The following TMEM87B variants were observed in gnomAD, a reference collection of about 807,000 sequenced individuals.
TMEM87B encodes transmembrane protein 87B.
TMEM87B carries 83 observed loss-of-function variants against 80.3 expected under a neutral mutation model. The ratio of observed to expected loss-of-function variants is 1.03; its 90% CI spans 0.87 to 1.24. The LOEUF (loss-of-function observed/expected upper bound fraction) is 1.24. TMEM87B is among the 50% of genes most tolerant of loss of function. The pLI, the probability that TMEM87B is intolerant of heterozygous loss-of-function variation, is 0.00. For synonymous variants in TMEM87B, 219 were observed against 230.5 expected, an observed-to-expected ratio of 0.95 and a Z score of 0.45; for missense variants, 625 against 674.4, an observed-to-expected ratio of 0.93 and a Z score of 0.81.
chr2:112,102,306 A>G (rs1395010897), intron 15 of TMEM87B, among the ~76,000 whole-genome samples: 1 of 152,232 alleles, frequency 6.6e-6, no homozygotes, highest in Non-Finnish European at 1.5e-5. Flanking sequence ...AGCAAAATAT[A>G]GAAAGACAAT....
At chr2:112,057,604 G>A (rs1157425488) in intron 1 of TMEM87B, among the ~76,000 whole-genome samples, 3 of 152,006 alleles carry the variant, frequency 2.0e-5, no homozygotes, top group Non-Finnish European at 2.9e-5. Context: ...GTGTACAAGG[G>A]AGCAAATGGT....
At chr2:112,066,822 C>T in intron 3 of TMEM87B, 114 bp from the exon 4 acceptor site, 1 of 905,854 alleles carries the variant, frequency 1.1e-6, no homozygotes, top group Non-Finnish European at 1.6e-6. Context: ...TTGCGTATTT[C>T]CAGGTATTTC....
At chr2:112,096,489 C>T (rs896844173) in intron 11 of TMEM87B, among the ~76,000 whole-genome samples, 3 of 152,212 alleles carry the variant, frequency 2.0e-5, no homozygotes, top group Non-Finnish European at 4.4e-5. Context: ...AATCCTCCCC[C>T]GTTGCAGTCA....
chr2:112,098,810 C>T (rs1223227879), intron 14 of TMEM87B, 112 bp downstream of exon 14: 13 of 976,286 alleles, frequency 1.3e-5, no homozygotes, highest in Non-Finnish European at 2.0e-5. Flanking sequence ...AAGGAGTATA[C>T]AGTCAAGTAG....
chr2:112,113,319 A>G (rs1679972042), intron 18 of TMEM87B, among the ~76,000 whole-genome samples: 1 of 152,168 alleles, frequency 6.6e-6, no homozygotes, highest in Non-Finnish European at 1.5e-5. Context: ...AGTTTTTGGG[A>G]AAAAAATTAG....
chr2:112,107,659 G>T, intron 16 of TMEM87B, 129 bp from the exon 17 acceptor site: 1 of 437,414 alleles, frequency 2.3e-6, no homozygotes, highest in South Asian at 8.9e-5. Flanking sequence ...TGCCAACTTA[G>T]GACATATGTA....
At chr2:112,084,070 A>C (rs180822472) in intron 8 of TMEM87B, among the ~76,000 whole-genome samples, 1 of 152,218 alleles carries the variant, frequency 6.6e-6, no homozygotes, top group African/African-American at 2.4e-5. Context: ...CAAACTCAAC[A>C]TAGGCAATAA....
chr2:112,070,154 T>G (rs1678579154), intron 4 of TMEM87B, among the ~76,000 whole-genome samples: 1 of 152,228 alleles, frequency 6.6e-6, no homozygotes, highest in Non-Finnish European at 1.5e-5. Flanking sequence ...TTTCTTTTGC[T>G]GTGCAGAAAC....
In TMEM87B at chr2:112,055,401, G is replaced by T. The variant is rs1011073716; in HGVS notation, c.-191G>T. On this transcript the variant is annotated 5_prime_UTR_variant, in exon 1 of 19. Transcript: ENST00000283206. ...GGCCCGGCTCAGAGCCCTAAGCCCT[G>T]CCTCCCGGTCCTGGCCGGGTTTCCC... 34 of 610,094 alleles carry T rather than the reference G, an allele frequency of 5.6e-5. No individual in the cohort carries two copies. The highest frequency in any genetic ancestry group is 9.0e-5 in the Non-Finnish European group (34 of 377,828). 37.8% of individuals were successfully genotyped at this position (610,094 alleles called of 1,614,324 possible). A position where few individuals can be genotyped will look rare whatever the true frequency, so the allele number is the denominator to read the frequency against.
Position 112,089,651 on chromosome 2 carries a change from G to C in TMEM87B, c.965G>C (p.Arg322Pro), listed in dbSNP as rs757629241. Residue 322 changes from arginine to proline, a missense_variant, in exon 10 of 19, where the codon CGG (arginine) becomes CCG (proline). Arg to Pro is a moderately radical substitution (Grantham distance 103). Transcript: ENST00000283206. ...VKPRLGTVMH[R>P]VIGLGLLYLI... ...CCTCGTTTAGGAACAGTCATGCACC[G>C]GGTGATCGGACTGGGGCTTCTATAC... 2.5e-6 allele frequency: 4 copies of C among 1,613,978 alleles called. No individual in the cohort carries two copies. In the African/African-American group the frequency reaches 4.0e-5, roughly 16 times the overall value.
intron 18 of TMEM87B, among the ~76,000 whole-genome samples, chr2:112,113,566 GA>G (rs1679978291): frequency 1.3e-5 from 2 of 152,352 alleles, no homozygotes; most frequent in Admixed American, 6.5e-5. Flanking sequence ...ACTGTACTGG[GA>G]TGGGAAGGTT....
In TMEM87B at chr2:112,086,072, G is replaced by T. The variant is rs761447601; in HGVS notation, c.906G>T (p.Val302=). ...AGAGGACGTTGGCTCGCCTTCTCGTGATCATTGTGAGCCTGGGCTATGGCA... is the reference window on the plus strand; with the variant it reads ...AGAGGACGTTGGCTCGCCTTCTCGTTATCATTGTGAGCCTGGGCTATGGCA... The part of the protein sequence containing the change: ...AIKRTLARLL[V]IIVSLGYGIV... Residue 302 remains valine (V), a synonymous_variant, in exon 9 of 19, where the codon GTG becomes GTT. Coordinates refer to ENST00000283206, the MANE Select transcript of TMEM87B (RefSeq NM_032824.3). The T allele has an allele frequency of 6.2e-7, 1 of 1,614,204 alleles. No homozygotes were observed. Among genetic ancestry groups the T allele is most frequent in the Non-Finnish European group, 8.5e-7 (1 of 1,180,032 alleles).
chr2:112,110,780 A>G lies in TMEM87B; in HGVS notation c.1578-2119A>G, dbSNP rs148505440. Among the ~76,000 whole-genome samples, 633 of 151,998 alleles carry G rather than the reference A, an allele frequency of 4.2e-3. 2 individuals carry two copies. The highest frequency in any genetic ancestry group is 7.3e-3 in the Admixed American group (111 of 15,260). ...TTCTTTTTATTTACTACACGATCAC[A>G]TCTCCAAGGAATATTCTTCTTTTTT... On this transcript the variant is annotated intron_variant, in intron 17 of 18. Coordinates refer to ENST00000283206, the MANE Select transcript of TMEM87B (RefSeq NM_032824.3).
intron 16 of TMEM87B, 55 bp downstream of exon 16, chr2:112,106,130 T>C: frequency 1.8e-6 from 2 of 1,126,120 alleles, no homozygotes; most frequent in East Asian, 2.7e-5. Flanking sequence ...TTCACTACTT[T>C]AGAGAGCTAT....
chr2:112,078,527 C>T (rs1678888734), intron 6 of TMEM87B, among the ~76,000 whole-genome samples: 1 of 152,222 alleles, frequency 6.6e-6, no homozygotes, highest in South Asian at 2.1e-4. Flanking sequence ...GCCCTCATGA[C>T]TTAATCACTT....
At chr2:112,106,365 G>A (rs1292283502) in intron 16 of TMEM87B, among the ~76,000 whole-genome samples, 5 of 152,192 alleles carry the variant, frequency 3.3e-5, no homozygotes, top group South Asian at 4.1e-4. Flanking sequence ...TACCCCGGAC[G>A]CTCCTGAATT....
At position 112,098,754 on chromosome 2, in the gene TMEM87B, T is replaced by G. The variant is rs999147444; in HGVS notation, c.1376+56T>G. 5 of 1,510,882 alleles carry G rather than the reference T, an allele frequency of 3.3e-6. No individual in the cohort carries two copies. In the Admixed American group the frequency reaches 5.1e-5, roughly 15 times the overall value. 93.6% of individuals were successfully genotyped at this position (1,510,882 alleles called of 1,614,324 possible). On this transcript the variant is annotated intron_variant, in intron 14 of 18. Coordinates refer to ENST00000283206, the MANE Select transcript of TMEM87B (RefSeq NM_032824.3). ...AGGATTTGTTGATCACCTTCTATAG[T>G]GTCAAGAACACGTTTATAGAAACCA...
intron 14 of TMEM87B, 140 bp from the exon 15 acceptor site, chr2:112,100,482 T>C: frequency 1.8e-6 from 1 of 548,996 alleles, no homozygotes. Context: ...AATTTGAAAG[T>C]AAAATAATTA....
At chr2:112,109,716 C>T (rs1679861233) in intron 17 of TMEM87B, among the ~76,000 whole-genome samples, 1 of 85,716 alleles carries the variant, frequency 1.2e-5, no homozygotes, top group Non-Finnish European at 2.2e-5. Context: ...TGTTGAGCTT[C>T]TCAGATCCAT....
Sources: gnomAD v4.1 joint callset for allele counts (sites outside exome capture counted in the v4.1 genomes callset) on GRCh38, gnomAD v4.1.1 for gene constraint, MANE v1.5 for transcripts, NCBI Gene and HGNC (gene_info 2026-07-23, HGNC 2026-07-21) for gene names.